EPG5: variants seen among roughly 807,000 people sequenced by gnomAD.
The protein encoded by EPG5 is ectopic P granules protein 5 homolog.
Under a neutral mutation model 302.7 loss-of-function variants are expected in EPG5, and 159 were observed. The observed-to-expected ratio is 0.53, with a 90% CI of 0.46 to 0.60. The LOEUF (loss-of-function observed/expected upper bound fraction) is 0.60, where lower values mean the gene tolerates loss of function less well. Among genes scored for constraint, EPG5 ranks in the 20% least tolerant of loss-of-function variants. EPG5 has a pLI of 0.00. For missense variants in EPG5, 2,896 were observed against 3,092.4 expected (o/e 0.94, Z 1.51); for synonymous variants, 1,158 against 1,136.8 (o/e 1.02, Z -0.37).
intron 23 of EPG5, 142 bp from the exon 24 acceptor site, chr18:45,908,223 G>A (rs997818204): frequency 1.1e-4 from 64 of 593,836 alleles, no homozygotes; most frequent in East Asian, 1.0e-4. Flanking sequence ...CAACCACCAC[G>A]GCTCCCAGAG....
At chr18:45,950,429 T>C (rs998143013) in intron 4 of EPG5, among the ~76,000 whole-genome samples, 22 of 152,172 alleles carry the variant, frequency 1.4e-4, no homozygotes, top group Admixed American at 1.2e-3. Flanking sequence ...CGAGATCTGA[T>C]GGGTTTATCA....
chr18:45,843,750 G>T (rs519150), downstream of EPG5: 16,536 of 152,226 alleles, frequency 0.11, 2,212 homozygotes, highest in African/African-American at 0.32. Context: ...GTGCTGGCAC[G>T]TGCCTATAGT....
At chr18:45,840,019 CA>C in the EPG5 span, among the ~76,000 whole-genome samples, 1 of 152,172 alleles carries the variant, frequency 6.6e-6, no homozygotes, top group African/African-American at 2.4e-5. Flanking sequence ...GATTGCTCCT[CA>C]GTCCACCCCT....
intron 13 of EPG5, among the ~76,000 whole-genome samples, chr18:45,927,630 A>G (rs898943924): frequency 1.1e-4 from 16 of 151,496 alleles, no homozygotes; most frequent in African/African-American, 2.7e-4. Flanking sequence ...ACACACACAC[A>G]CACGCACCAA....
In EPG5 at chr18:45,943,173, C is replaced by T. The variant is rs768787634; in HGVS notation, c.1931G>A (p.Gly644Asp). 13 of 1,614,092 alleles carry T rather than the reference C, an allele frequency of 8.1e-6. No individual in the cohort carries two copies. Among genetic ancestry groups the T allele is most frequent in the Non-Finnish European group, 1.1e-5 (13 of 1,179,996 alleles). Residue 644 changes from glycine to aspartate, a missense_variant, in exon 9 of 44, where the codon GGT becomes GAT. Physicochemically the swap from Gly to Asp is moderately conservative, Grantham distance 94 (BLOSUM62 -1). Around this residue, in one of 5 missense-constraint regions of EPG5, gnomAD observed 1,390 missense variants for 1,430.0 expected, o/e 0.97. Transcript: ENST00000282041. ...ARYRQFVKRI[G>D]YMIRMTLGYV... ...ACAGCAGTATTACCTGATCATATAA[C>T]CAATTCGCTTCACAAACTGCCTATA...
chr18:45,896,422 G>A (rs1302189064), intron 27 of EPG5, among the ~76,000 whole-genome samples: 1 of 152,186 alleles, frequency 6.6e-6, no homozygotes, highest in Non-Finnish European at 1.5e-5. Flanking sequence ...TTCTAATGAG[G>A]TTAGGGCCAC....
chr18:45,938,161 G>C (rs1288191659), intron 10 of EPG5, among the ~76,000 whole-genome samples: 2 of 152,080 alleles, frequency 1.3e-5, no homozygotes, highest in East Asian at 3.9e-4. Flanking sequence ...AAGTATAACA[G>C]GAGTAATCTA....
intron 23 of EPG5, among the ~76,000 whole-genome samples, chr18:45,909,989 T>C (rs1196734581): frequency 6.6e-6 from 1 of 152,088 alleles, no homozygotes; most frequent in Admixed American, 6.5e-5. Flanking sequence ...AGAACTATTC[T>C]AGCAAGGTTT....
At chr18:45,867,523 C>A in intron 37 of EPG5, 40 bp downstream of exon 37, 1 of 1,546,490 alleles carries the variant, frequency 6.5e-7, no homozygotes, top group Non-Finnish European at 8.9e-7. Context: ...AAGATCTAAG[C>A]AGCCTTGCCG....
the EPG5 span, among the ~76,000 whole-genome samples, chr18:45,821,160 T>C: frequency 6.6e-5 from 10 of 152,248 alleles, no homozygotes; most frequent in Non-Finnish European, 1.5e-4. Context: ...GCGGTTTTCT[T>C]GTTGATGACT....
intron 33 of EPG5, among the ~76,000 whole-genome samples, chr18:45,878,741 C>T (rs573393742): frequency 6.6e-6 from 1 of 152,208 alleles, no homozygotes; most frequent in South Asian, 2.1e-4. Flanking sequence ...AGACAAATGA[C>T]AGAAAGGGTT....
At chr18:45,962,959 C>T (rs1311721983) in intron 1 of EPG5, among the ~76,000 whole-genome samples, 2 of 152,082 alleles carry the variant, frequency 1.3e-5, no homozygotes, top group African/African-American at 4.8e-5. Flanking sequence ...TTTTTTCATC[C>T]GTTTTCTCAT....
chr18:45,904,819 AAT>A (rs1469091695), intron 24 of EPG5, among the ~76,000 whole-genome samples: 2 of 152,174 alleles, frequency 1.3e-5, no homozygotes, highest in Non-Finnish European at 2.9e-5. Flanking sequence ...AATTATTTCT[AAT>A]ATGTTTAGGT....
rs768999379 is a variant in EPG5 at position 45,870,676 on chromosome 18, G to C, written c.6116C>G (p.Thr2039Arg). 6.2e-7 allele frequency: 1 copy of C among 1,613,412 alleles called. No individual in the cohort carries two copies. The highest frequency in any genetic ancestry group is 8.5e-7 in the Non-Finnish European group (1 of 1,179,808). The change falls in exon 36 of 44, where the codon ACA becomes AGA. Residue 2039 changes from threonine (T) to arginine (R), a missense_variant. This residue lies in a region of EPG5 where 620 missense variants were observed against 704.2 expected (regional missense o/e 0.88). Coordinates refer to ENST00000282041, the MANE Select transcript of EPG5 (RefSeq NM_020964.3). ...AATGAACTCTGGCATTTTGGGTGCT[G>C]TACATGCTTCACAATAATGCATCAG... ...LHLMHYCEACTAPKMPEFILY... is the reference protein window; with the variant it reads ...LHLMHYCEACRAPKMPEFILY...
At chr18:45,952,863 G>T (rs1352737141) in intron 2 of EPG5, among the ~76,000 whole-genome samples, 1 of 152,118 alleles carries the variant, frequency 6.6e-6, no homozygotes, top group African/African-American at 2.4e-5. Flanking sequence ...ATTCAGAGAA[G>T]GGAAGAGTAA....
rs529601328 is a variant in EPG5 at position 45,851,497 on chromosome 18, A to G, written c.*970T>C. 4.6e-5 allele frequency: 7 copies of G among 152,352 alleles called. No homozygotes were observed. The highest frequency in any genetic ancestry group is 1.7e-4 in the African/African-American group (7 of 41,572). 9.4% of individuals were successfully genotyped at this position (152,352 alleles called of 1,614,324 possible). On this transcript the variant is annotated 3_prime_UTR_variant, in exon 44 of 44. Coordinates refer to ENST00000282041, the MANE Select transcript of EPG5 (RefSeq NM_020964.3). ...CACAGACAAGTGTTTCAGCAGGTCCATTGGCTTCATCTGAGTTTGAAGTTA... is the reference window on the plus strand; with the variant it reads ...CACAGACAAGTGTTTCAGCAGGTCCGTTGGCTTCATCTGAGTTTGAAGTTA...
intron 24 of EPG5, among the ~76,000 whole-genome samples, chr18:45,906,079 G>T (rs955937297): frequency 6.6e-6 from 1 of 151,874 alleles, no homozygotes; most frequent in African/African-American, 2.4e-5. Flanking sequence ...CCACATATCC[G>T]ACTTTGCCTC....
At chr18:45,880,357 T>G in intron 31 of EPG5, 134 bp from the exon 32 acceptor site, 1 of 847,272 alleles carries the variant, frequency 1.2e-6, no homozygotes, top group Non-Finnish European at 1.7e-6. Context: ...CAGGGATATC[T>G]GGGGTGAGGA....
At chr18:45,911,108 CACAT>C (rs1162600213) in intron 22 of EPG5, among the ~76,000 whole-genome samples, 333 of 121,650 alleles carry the variant, frequency 2.7e-3, no homozygotes, top group Admixed American at 5.0e-3. Context: ...CACACACACA[CACAT>C]ATATATATAT....
Sources: allele counts gnomAD v4.1 joint callset (sites outside exome capture counted in the v4.1 genomes callset), GRCh38; gene constraint gnomAD v4.1.1; regional missense constraint gnomAD v4.1.1; transcripts MANE v1.5; gene names NCBI Gene and HGNC (gene_info 2026-07-23, HGNC 2026-07-21).